The following ASAP1 variants were observed in gnomAD, a reference collection of about 807,000 sequenced individuals.
ASAP1 encodes the protein arf-GAP with SH3 domain, ANK repeat and PH domain-containing protein 1.
ASAP1 carries 43 observed loss-of-function variants against 145.2 expected under a neutral mutation model. That is an observed-to-expected ratio of 0.30 (90% CI 0.23 to 0.38). ASAP1 has a LOEUF of 0.38. Among genes scored for constraint, ASAP1 ranks in the 10% least tolerant of loss-of-function variants. ASAP1 has a pLI of 1.00. For synonymous variants in ASAP1, 546 were observed against 515.5 expected, an observed-to-expected ratio of 1.06 and a Z score of -0.80; for missense variants, 1,018 against 1,355.3, an observed-to-expected ratio of 0.75 and a Z score of 3.91.
intron 2 of ASAP1, among the ~76,000 whole-genome samples, chr8:130,365,960 T>C (rs1468003353): frequency 6.6e-6 from 1 of 151,282 alleles, no homozygotes; most frequent in Non-Finnish European, 1.5e-5. Flanking sequence ...CTATAAGCCA[T>C]AAGAGCCAGC....
At chr8:130,211,655 T>C (rs1816590412) in intron 5 of ASAP1, among the ~76,000 whole-genome samples, 1 of 152,214 alleles carries the variant, frequency 6.6e-6, no homozygotes, top group African/African-American at 2.4e-5. Flanking sequence ...TTTTTCTCCA[T>C]AAAAATAAGT....
intron 3 of ASAP1, among the ~76,000 whole-genome samples, chr8:130,313,239 A>C (rs371915173): frequency 6.6e-6 from 1 of 152,178 alleles, no homozygotes; most frequent in African/African-American, 2.4e-5. Flanking sequence ...ATTTCTAAGC[A>C]ATTCTGGTGG....
intron 15 of ASAP1, among the ~76,000 whole-genome samples, chr8:130,133,635 C>A (rs955222051): frequency 2.6e-5 from 4 of 151,724 alleles, no homozygotes; most frequent in Admixed American, 1.3e-4. Context: ...CGCAGTCCGG[C>A]CTGGGCGACA....
intron 24 of ASAP1, among the ~76,000 whole-genome samples, chr8:130,106,532 T>C (rs1484127242): frequency 6.6e-6 from 1 of 152,238 alleles, no homozygotes; most frequent in African/African-American, 2.4e-5. Flanking sequence ...AACTGCTGCA[T>C]TTATTAGATT....
At chr8:130,285,779 T>C (rs1232077114) in intron 3 of ASAP1, among the ~76,000 whole-genome samples, 1 of 152,264 alleles carries the variant, frequency 6.6e-6, no homozygotes. Flanking sequence ...TATTTGTTTA[T>C]GCATATCACC....
chr8:130,341,688 G>A (rs1035325020), intron 3 of ASAP1, among the ~76,000 whole-genome samples: 15 of 152,142 alleles, frequency 9.9e-5, no homozygotes, highest in African/African-American at 3.6e-4. Flanking sequence ...ATAATTCCGT[G>A]TCTTCAACTT....
intron 3 of ASAP1, among the ~76,000 whole-genome samples, chr8:130,306,046 A>G (rs542619749): frequency 6.6e-6 from 1 of 152,316 alleles, no homozygotes; most frequent in East Asian, 1.9e-4. Context: ...GGATTCTGGG[A>G]TCATAAAGTC....
chr8:130,145,494 T>C (rs747621624), intron 13 of ASAP1, among the ~76,000 whole-genome samples: 1 of 152,254 alleles, frequency 6.6e-6, no homozygotes, highest in African/African-American at 2.4e-5. Flanking sequence ...CTTTTCTGTA[T>C]TTTTAGTAGA....
At chr8:130,174,403 C>T (rs1453758764) in intron 9 of ASAP1, among the ~76,000 whole-genome samples, 1 of 152,168 alleles carries the variant, frequency 6.6e-6, no homozygotes, top group Non-Finnish European at 1.5e-5. Flanking sequence ...TATCTCTTAG[C>T]CACTTTCTCT....
chr8:130,359,614 C>T (rs1053303871), intron 2 of ASAP1, among the ~76,000 whole-genome samples: 1 of 145,904 alleles, frequency 6.9e-6, no homozygotes, highest in African/African-American at 2.5e-5. Flanking sequence ...TGCCATCTTG[C>T]ACTGTTTTTT....
At chr8:130,357,995 C>G in intron 3 of ASAP1, 22 bp downstream of exon 3, 1 of 1,592,986 alleles carries the variant, frequency 6.3e-7, no homozygotes, top group Non-Finnish European at 8.5e-7. Context: ...GCGTGGACGG[C>G]GGGGGTCCCG....
intron 25 of ASAP1, among the ~76,000 whole-genome samples, chr8:130,090,340 T>A (rs1487489672): frequency 6.6e-6 from 1 of 152,224 alleles, no homozygotes; most frequent in African/African-American, 2.4e-5. Context: ...TATGAAACGC[T>A]GATGTGAAAC....
At chr8:130,204,854 C>T (rs1008063084) in intron 5 of ASAP1, among the ~76,000 whole-genome samples, 2 of 152,162 alleles carry the variant, frequency 1.3e-5, no homozygotes, top group Admixed American at 1.3e-4. Flanking sequence ...CCTATCTTAA[C>T]CAATAAAACA....
At chr8:130,073,385 C>T (rs1473001382) in intron 27 of ASAP1, among the ~76,000 whole-genome samples, 29 of 126,470 alleles carry the variant, frequency 2.3e-4, no homozygotes, top group Admixed American at 2.3e-3. Context: ...AGTGAAACTC[C>T]GTCTCAAAAA....
chr8:130,369,364 C>G (rs1369547545), intron 2 of ASAP1, among the ~76,000 whole-genome samples: 1 of 152,034 alleles, frequency 6.6e-6, no homozygotes, highest in Non-Finnish European at 1.5e-5. Flanking sequence ...AGTTTGTATA[C>G]AATGAAATAT....
chr8:130,375,492 C>A (rs754206482), intron 2 of ASAP1, among the ~76,000 whole-genome samples: 1 of 150,310 alleles, frequency 6.7e-6, no homozygotes, highest in African/African-American at 2.5e-5. Flanking sequence ...CCCAGGAGTT[C>A]GAGGTTACAG....
chr8:130,268,252 G>A (rs1408445039), intron 3 of ASAP1, among the ~76,000 whole-genome samples: 1 of 152,142 alleles, frequency 6.6e-6, no homozygotes, highest in Non-Finnish European at 1.5e-5. Flanking sequence ...TAGGGAGACT[G>A]AGGCAGGTAG....
At chr8:130,086,074 G>C (rs528935221) in intron 25 of ASAP1, among the ~76,000 whole-genome samples, 98 of 152,366 alleles carry the variant, frequency 6.4e-4, no homozygotes, top group Non-Finnish European at 9.7e-4. Flanking sequence ...TGCTTGCCAG[G>C]AGAACCATGC....
At chr8:130,381,844 C>T (rs557574853) in intron 2 of ASAP1, among the ~76,000 whole-genome samples, 1 of 152,312 alleles carries the variant, frequency 6.6e-6, no homozygotes, top group South Asian at 2.1e-4. Flanking sequence ...ATGCCCTGCA[C>T]GCAGGCCTCT....
Sources: gnomAD v4.1 joint callset for allele counts (sites outside exome capture counted in the v4.1 genomes callset) on GRCh38, gnomAD v4.1.1 for gene constraint, MANE v1.5 for transcripts, NCBI Gene and HGNC (gene_info 2026-07-23, HGNC 2026-07-21) for gene names.